DPP10: variants seen among roughly 807,000 people sequenced by gnomAD.
The protein encoded by DPP10 is inactive dipeptidyl peptidase 10.
Under a neutral mutation model 120.9 loss-of-function variants are expected in DPP10, and 33 were observed. That is an observed-to-expected ratio of 0.27 (90% confidence interval 0.21 to 0.37). The LOEUF (loss-of-function observed/expected upper bound fraction) is 0.37. Among genes scored for constraint, DPP10 ranks in the 10% least tolerant of loss-of-function variants. The pLI is 1.00. For missense variants in DPP10, 816 were observed against 942.8 expected (o/e 0.87, Z 1.76); for synonymous variants, 337 against 326.1 (o/e 1.03, Z -0.36).
At chr2:115,768,215 A>T in intron 12 of DPP10, 82 bp from the exon 13 acceptor site, 1 of 1,138,678 alleles carries the variant, frequency 8.8e-7, no homozygotes. Flanking sequence ...ATTTGGTATA[A>T]CCCATGCAGG....
intron 3 of DPP10, among the ~76,000 whole-genome samples, chr2:115,408,194 C>G (rs1471395623): frequency 1.3e-5 from 2 of 152,068 alleles, no homozygotes; most frequent in African/African-American, 2.4e-5. Context: ...TGCCCCATCT[C>G]CCCTGCTGTC....
intron 5 of DPP10, among the ~76,000 whole-genome samples, chr2:115,532,540 A>T (rs2078534713): frequency 6.6e-6 from 1 of 152,038 alleles, no homozygotes; most frequent in African/African-American, 2.4e-5. Flanking sequence ...ATATCAAACA[A>T]TATATGATTT....
chr2:115,293,362 TCA>T (rs1210101619), intron 1 of DPP10, among the ~76,000 whole-genome samples: 5 of 152,090 alleles, frequency 3.3e-5, no homozygotes, highest in Non-Finnish European at 7.4e-5. Context: ...TCATAGAGAC[TCA>T]CATATCATGG....
At chr2:115,458,461 A>G (rs1002496449) in intron 3 of DPP10, among the ~76,000 whole-genome samples, 2 of 152,058 alleles carry the variant, frequency 1.3e-5, no homozygotes, top group Admixed American at 6.5e-5. Context: ...AAAGACATGT[A>G]GAAAGTTTCC....
chr2:115,566,214 G>C (rs1203999402), intron 5 of DPP10, among the ~76,000 whole-genome samples: 1 of 152,076 alleles, frequency 6.6e-6, no homozygotes, highest in East Asian at 1.9e-4. Flanking sequence ...CATTTGATTA[G>C]GGATAGTGTG....
intron 5 of DPP10, among the ~76,000 whole-genome samples, chr2:115,631,690 G>A (rs1339174645): frequency 6.6e-6 from 1 of 152,102 alleles, no homozygotes; most frequent in Admixed American, 6.6e-5. Context: ...TTCAGGAGCA[G>A]GTTGTTCAAT....
At chr2:115,481,170 C>A (rs1283811167) in intron 3 of DPP10, among the ~76,000 whole-genome samples, 2 of 152,182 alleles carry the variant, frequency 1.3e-5, no homozygotes, top group Non-Finnish European at 2.9e-5. Context: ...ACATTTGCCT[C>A]CAGTAATTCA....
At chr2:114,710,023 G>A (rs1471387639) in intron 1 of DPP10, among the ~76,000 whole-genome samples, 4 of 152,178 alleles carry the variant, frequency 2.6e-5, no homozygotes, top group South Asian at 2.1e-4. Flanking sequence ...ACTCTTTTGA[G>A]CTTTTCCAGT....
chr2:115,395,600 A>G (rs1242873621), intron 3 of DPP10, among the ~76,000 whole-genome samples: 1 of 152,168 alleles, frequency 6.6e-6, no homozygotes, highest in Non-Finnish European at 1.5e-5. Flanking sequence ...TTCTTTCTCC[A>G]GTGAAGACCT....
chr2:115,625,297 G>T (rs1318850107), intron 5 of DPP10, among the ~76,000 whole-genome samples: 2 of 152,062 alleles, frequency 1.3e-5, no homozygotes, highest in Non-Finnish European at 2.9e-5. Flanking sequence ...GTGTGGAAAA[G>T]ACTTCAGTAT....
At chr2:115,022,569 T>C (rs1703153910) in intron 1 of DPP10, among the ~76,000 whole-genome samples, 1 of 152,036 alleles carries the variant, frequency 6.6e-6, no homozygotes, top group South Asian at 2.1e-4. Flanking sequence ...AAAATGACCA[T>C]ACTGCCAAAA....
At chr2:115,835,458 A>G (rs1689386016) in intron 21 of DPP10, among the ~76,000 whole-genome samples, 1 of 151,286 alleles carries the variant, frequency 6.6e-6, no homozygotes, top group Admixed American at 6.6e-5. Flanking sequence ...GGAGAGAAAG[A>G]GAGAGAGAGA....
chr2:115,286,639 C>T (rs1002164920), intron 1 of DPP10, among the ~76,000 whole-genome samples: 1 of 145,210 alleles, frequency 6.9e-6, no homozygotes, highest in Non-Finnish European at 1.5e-5. Flanking sequence ...GGGTGTGTGT[C>T]GAGGAAGGAG....
chr2:115,408,914 A>C (rs924736442), intron 3 of DPP10, among the ~76,000 whole-genome samples: 7 of 152,168 alleles, frequency 4.6e-5, no homozygotes, highest in African/African-American at 1.7e-4. Flanking sequence ...AAAGACACAC[A>C]GATCAAATCC....
chr2:114,677,460 T>C (rs1698742929), intron 1 of DPP10, among the ~76,000 whole-genome samples: 1 of 152,100 alleles, frequency 6.6e-6, no homozygotes, highest in South Asian at 2.1e-4. Context: ...GCAGCTCCTG[T>C]AAAGGAAAAA....
intron 3 of DPP10, among the ~76,000 whole-genome samples, chr2:115,344,739 A>G (rs1312127000): frequency 6.6e-6 from 1 of 152,156 alleles, no homozygotes; most frequent in Non-Finnish European, 1.5e-5. Context: ...AATCCTTTGA[A>G]TGTTCTAATT....
chr2:115,780,744 G>T (rs1682656827), intron 15 of DPP10, 130 bp from the exon 16 acceptor site: 1 of 732,156 alleles, frequency 1.4e-6, no homozygotes, highest in African/African-American at 1.8e-5. Context: ...GTGATTCATA[G>T]TTTACAGTGA....
Position 115,586,074 on chromosome 2 carries a change from G to A in DPP10, c.441+60102G>A, listed in dbSNP as rs1264614363. On this transcript the variant is annotated intron_variant, in intron 5 of 25. Coordinates refer to ENST00000410059, the MANE Select transcript of DPP10 (RefSeq NM_020868.6). Reference sequence around the variant, plus strand: ...GTGGTGGCTCACGCCTGTAATCCCAGCACTTTGGGAGGCCGAGGCAGGTGG... The same window carrying A: ...GTGGTGGCTCACGCCTGTAATCCCAACACTTTGGGAGGCCGAGGCAGGTGG... Among the ~76,000 whole-genome samples the A allele has an allele frequency of 3.9e-5, 6 of 152,198 alleles. No individual in the cohort carries two copies. In the South Asian group the frequency reaches 1.0e-3, roughly 26 times the overall value.
intron 1 of DPP10, among the ~76,000 whole-genome samples, chr2:115,304,386 A>G (rs1038269394): frequency 6.6e-6 from 1 of 152,064 alleles, no homozygotes; most frequent in African/African-American, 2.4e-5. Context: ...CAGTGTTCAC[A>G]CTCTAGGGCT....
Sources: allele counts gnomAD v4.1 joint callset (sites outside exome capture counted in the v4.1 genomes callset), GRCh38; gene constraint gnomAD v4.1.1; transcripts MANE v1.5; gene names NCBI Gene and HGNC (gene_info 2026-07-23, HGNC 2026-07-21).